The following BANF2 variants were observed in gnomAD, a reference collection of about 807,000 sequenced individuals.
BANF2 encodes BANF family member 2.
In BANF2, 4 loss-of-function variants were observed where a neutral mutation model predicts 8.0. The ratio of observed to expected loss-of-function variants is 0.50; its 90% CI spans 0.25 to 1.14. The LOEUF (loss-of-function observed/expected upper bound fraction) is 1.14. BANF2 is among the 50% of genes most tolerant of loss of function. BANF2 has a pLI of 0.16. For synonymous variants in BANF2, 50 were observed against 40.6 expected (o/e 1.23, Z -0.88); for missense variants, 96 against 107.5 (o/e 0.89, Z 0.47).
chr20:17,695,611 T>G (rs1385373528), upstream of BANF2, among the ~76,000 whole-genome samples: 1 of 152,062 alleles, frequency 6.6e-6, no homozygotes, highest in African/African-American at 2.4e-5. Context: ...GGTGTGTGTG[T>G]GTGTGTGTGT....
intron 1 of BANF2, among the ~76,000 whole-genome samples, chr20:17,718,883 A>C (rs1312632476): frequency 6.6e-6 from 1 of 152,212 alleles, no homozygotes; most frequent in African/African-American, 2.4e-5. Flanking sequence ...TTGTGGTTCA[A>C]AATACAGTAG....
At chr20:17,711,213 C>G (rs1476247699) in intron 1 of BANF2, among the ~76,000 whole-genome samples, 1 of 152,204 alleles carries the variant, frequency 6.6e-6, no homozygotes, top group African/African-American at 2.4e-5. Flanking sequence ...CTCCTGCAGG[C>G]AAAGGCCAGT....
chr20:17,698,150 G>C (rs1299813573), upstream of BANF2, among the ~76,000 whole-genome samples: 2 of 152,052 alleles, frequency 1.3e-5, no homozygotes, highest in East Asian at 3.9e-4. Context: ...GGAGGTTGCA[G>C]TGAGCCGAGA....
At chr20:17,703,692 T>C (rs2037441482) in intron 1 of BANF2, among the ~76,000 whole-genome samples, 1 of 151,850 alleles carries the variant, frequency 6.6e-6, no homozygotes, top group Admixed American at 6.6e-5. Context: ...TCTATGCGGT[T>C]TGTCTGGGTT....
At chr20:17,707,108 G>A (rs1292835929) in intron 1 of BANF2, among the ~76,000 whole-genome samples, 1 of 152,160 alleles carries the variant, frequency 6.6e-6, no homozygotes, top group African/African-American at 2.4e-5. Flanking sequence ...TCCCAGCCGG[G>A]CGCAGTGGCT....
At chr20:17,702,407 G>A (rs1209640002) in intron 1 of BANF2, among the ~76,000 whole-genome samples, 1 of 152,208 alleles carries the variant, frequency 6.6e-6, no homozygotes, top group Non-Finnish European at 1.5e-5. Context: ...TCTGCTAATC[G>A]AAAGCAGCTT....
rs142500688 is a variant in BANF2 at position 17,725,068 on chromosome 20, C to G, written c.43C>G (p.Pro15Ala). Reference sequence around the variant, plus strand: ...CAGGCTGAGAGCCTTCCTCTCCGAACCCATTGGAGAAAAGGATGTCTGCTG... The same window carrying G: ...CAGGCTGAGAGCCTTCCTCTCCGAAGCCATTGGAGAAAAGGATGTCTGCTG... ...SPRLRAFLSE[P>A]IGEKDVCWVD... is the part of the protein sequence containing the mutation. Residue 15 changes from proline (P) to alanine (A), a missense_variant, in exon 3 of 4, where the codon CCC becomes GCC. Coordinates refer to ENST00000246090, the MANE Select transcript of BANF2 (RefSeq NM_178477.5). 18 of 1,608,114 alleles carry G rather than the reference C, an allele frequency of 1.1e-5. No individual in the cohort carries two copies. The highest frequency in any genetic ancestry group is 1.4e-5 in the Non-Finnish European group (17 of 1,174,562).
intron 1 of BANF2, among the ~76,000 whole-genome samples, chr20:17,706,581 T>C (rs2037485064): frequency 6.6e-6 from 1 of 152,172 alleles, no homozygotes; most frequent in African/African-American, 2.4e-5. Flanking sequence ...AAATAAGATG[T>C]CTGTGAATTA....
chr20:17,717,432 G>A (rs1403740312), intron 1 of BANF2, among the ~76,000 whole-genome samples: 1 of 152,106 alleles, frequency 6.6e-6, no homozygotes, highest in Admixed American at 6.5e-5. Flanking sequence ...AAGGATGTCA[G>A]TGCTTTGAAT....
At chr20:17,705,286 A>C (rs2037466796) in intron 1 of BANF2, among the ~76,000 whole-genome samples, 1 of 152,196 alleles carries the variant, frequency 6.6e-6, no homozygotes, top group African/African-American at 2.4e-5. Flanking sequence ...AAAGCTAAAA[A>C]ATTGTCCCAA....
Position 17,735,869 on chromosome 20 carries a change from C to T in BANF2, c.*58C>T. ...CTGGGGAAAATGACGCCTTCTCCAC[C>T]TATGCCCAGGCTCCGAGTCCTCATT... On this transcript the variant is annotated 3_prime_UTR_variant, in exon 4 of 4. Coordinates refer to ENST00000246090, the MANE Select transcript of BANF2 (RefSeq NM_178477.5). 6.4e-7 allele frequency: 1 copy of T among 1,553,408 alleles called. No individual in the cohort carries two copies. The highest frequency in any genetic ancestry group is 8.8e-7 in the Non-Finnish European group (1 of 1,135,220).
chr20:17,733,254 G>A (rs1002282890), intron 3 of BANF2, among the ~76,000 whole-genome samples: 4 of 152,198 alleles, frequency 2.6e-5, no homozygotes, highest in Admixed American at 6.5e-5. Context: ...GGACAGTTGG[G>A]AAGTGCAGGA....
chr20:17,728,683 A>G (rs993248609), intron 3 of BANF2, among the ~76,000 whole-genome samples: 3 of 152,192 alleles, frequency 2.0e-5, no homozygotes, highest in African/African-American at 7.2e-5. Context: ...TTTCAAAACT[A>G]TTGAGTCTGC....
At chr20:17,699,383 A>G (rs1375089342), upstream of BANF2, among the ~76,000 whole-genome samples, 2 of 152,256 alleles carry the variant, frequency 1.3e-5, no homozygotes, top group African/African-American at 4.8e-5. Context: ...TATATGCTAT[A>G]GAGGATAACC....
At chr20:17,735,044 A>G (rs1194612190) in intron 3 of BANF2, among the ~76,000 whole-genome samples, 1 of 152,192 alleles carries the variant, frequency 6.6e-6, no homozygotes, top group African/African-American at 2.4e-5. Context: ...ACGCCATTGC[A>G]CTCCGGCCTG....
intron 3 of BANF2, among the ~76,000 whole-genome samples, chr20:17,725,438 CA>C (rs2037794389): frequency 6.6e-6 from 1 of 152,232 alleles, no homozygotes; most frequent in Non-Finnish European, 1.5e-5. Flanking sequence ...AGAAGTAGGT[CA>C]GCCGCCGGGG....
intron 1 of BANF2, among the ~76,000 whole-genome samples, chr20:17,721,872 A>G (rs2037735155): frequency 6.6e-6 from 1 of 152,200 alleles, no homozygotes; most frequent in Non-Finnish European, 1.5e-5. Context: ...CTTATAGCCC[A>G]GGGTTTCTTA....
chr20:17,714,197 CAAA>C (rs11375517), intron 1 of BANF2, among the ~76,000 whole-genome samples: 1 of 75,316 alleles, frequency 1.3e-5, no homozygotes, highest in Non-Finnish European at 2.5e-5. Context: ...GAGACTCTGT[CAAA>C]AAAAAAAAAA....
intron 1 of BANF2, among the ~76,000 whole-genome samples, chr20:17,709,023 A>G (rs1184303726): frequency 1.3e-5 from 2 of 152,270 alleles, no homozygotes; most frequent in Admixed American, 6.5e-5. Flanking sequence ...AATGCAATCA[A>G]TGAAAGCAAT....
Sources: gnomAD v4.1 joint callset for allele counts (sites outside exome capture counted in the v4.1 genomes callset) on GRCh38, gnomAD v4.1.1 for gene constraint, MANE v1.5 for transcripts, NCBI Gene and HGNC (gene_info 2026-07-23, HGNC 2026-07-21) for gene names.